Variants in LGALS8 observed in about 807,000 individuals in gnomAD.
LGALS8 encodes the protein galectin-8.
LGALS8 carries 30 observed loss-of-function variants against 35.9 expected under a neutral mutation model. The ratio of observed to expected loss-of-function variants is 0.83; its 90% CI spans 0.62 to 1.13. The LOEUF is 1.13. Ranked by LOEUF, LGALS8 falls within the 50% of genes most tolerant of loss-of-function variation. The pLI is 0.00. For missense variants in LGALS8, 366 were observed against 388.7 expected (o/e 0.94, Z 0.49); for synonymous variants, 138 against 136.1 (o/e 1.01, Z -0.10).
chr1:236,538,105 G>GA (rs1491391815), intron 3 of LGALS8, among the ~76,000 whole-genome samples: 1 of 69,716 alleles, frequency 1.4e-5, no homozygotes, highest in Non-Finnish European at 3.6e-5. Context: ...AAAAGAAAAA[G>GA]AAAAAGAATT....
chr1:236,539,175 A>G (rs11807205), intron 4 of LGALS8, 86 bp downstream of exon 4: 698,398 of 1,103,450 alleles, frequency 0.63, 225,660 homozygotes, highest in Non-Finnish European at 0.68. Flanking sequence ...GCCCAGCCTT[A>G]TATTTCCTAC....
In LGALS8 at chr1:236,540,544, T is replaced by G; in HGVS notation, c.346-20T>G. 1 of 1,526,236 alleles carries G rather than the reference T, an allele frequency of 6.6e-7. No individual in the cohort carries two copies. The highest frequency in any genetic ancestry group is 8.8e-7 in the Non-Finnish European group (1 of 1,135,348). 94.5% of individuals were successfully genotyped at this position (1,526,236 alleles called of 1,614,324 possible). ...TTTTTTTTGGTGGCGGGGGGGGCTC[T>G]GTCTTCTGTATCTCTCTAGGTGGCT... On this transcript the variant is annotated intron_variant, in intron 4 of 9. Coordinates refer to ENST00000366584, the MANE Select transcript of LGALS8 (RefSeq NM_201544.4).
chr1:236,546,264 C>CT (rs1352030374), intron 9 of LGALS8, among the ~76,000 whole-genome samples: 5 of 152,172 alleles, frequency 3.3e-5, no homozygotes, highest in African/African-American at 1.2e-4. Context: ...GAACAATCGT[C>CT]TTTTCCATTT....
At chr1:236,533,824 C>T (rs1661289849) in intron 2 of LGALS8, among the ~76,000 whole-genome samples, 1 of 152,064 alleles carries the variant, frequency 6.6e-6, no homozygotes, top group Non-Finnish European at 1.5e-5. Flanking sequence ...TAGGACGGTT[C>T]CCATGAAGAG....
At chr1:236,522,837 G>C (rs1478583418), upstream of LGALS8, among the ~76,000 whole-genome samples, 1 of 152,130 alleles carries the variant, frequency 6.6e-6, no homozygotes, top group Admixed American at 6.5e-5. Flanking sequence ...TTGGAAAATG[G>C]GTAAGGAGGA....
At chr1:236,547,874 T>G (rs74579125) in intron 9 of LGALS8, 138 bp from the exon 10 acceptor site, 1 of 714,650 alleles carries the variant, frequency 1.4e-6, no homozygotes, top group Non-Finnish European at 2.4e-6. Flanking sequence ...GTCTTGGAAG[T>G]CAGAAGGAAG....
At chr1:236,544,132 T>C (rs1662209756) in intron 8 of LGALS8, among the ~76,000 whole-genome samples, 1 of 151,990 alleles carries the variant, frequency 6.6e-6, no homozygotes, top group Non-Finnish European at 1.5e-5. Context: ...TTTGTATTTT[T>C]AGTAGAGACA....
rs1660650444 is a variant in LGALS8 at position 236,524,000 on chromosome 1, G to A, written c.-165G>A. On this transcript the variant is annotated 5_prime_UTR_variant, in exon 1 of 10. Transcript: ENST00000366584. ...CACGGACGCCAGAGCCGGGAACCCT[G>A]ACGGCACTTAGCTGCTGACAAACAA... 2.5e-6 allele frequency: 1 copy of A among 402,958 alleles called. No homozygotes were observed. Among genetic ancestry groups the A allele is most frequent in the Non-Finnish European group, 5.0e-6 (1 of 198,990 alleles). The allele number at this position is 402,958 out of a possible 1,614,324, so 25.0% of individuals were successfully genotyped here.
chr1:236,530,392 T>C (rs557803370), intron 2 of LGALS8, among the ~76,000 whole-genome samples: 2 of 152,370 alleles, frequency 1.3e-5, no homozygotes, highest in African/African-American at 4.8e-5. Flanking sequence ...CCTTCCTGAC[T>C]GAGAGTGGAT....
upstream of LGALS8, among the ~76,000 whole-genome samples, chr1:236,520,716 TC>T (rs1308552113): frequency 6.6e-6 from 1 of 152,206 alleles, no homozygotes; most frequent in Non-Finnish European, 1.5e-5. Flanking sequence ...ATTGGCGTTG[TC>T]TTATCTCCCC....
At chr1:236,539,124 T>C in intron 4 of LGALS8, 35 bp downstream of exon 4, 1 of 1,554,792 alleles carries the variant, frequency 6.4e-7, no homozygotes, top group Non-Finnish European at 8.9e-7. Context: ...GAGTCCTCAT[T>C]AGTGAGCAGG....
chr1:236,525,335 G>A (rs907383255), intron 1 of LGALS8: 7 of 151,996 alleles, frequency 4.6e-5, no homozygotes. Flanking sequence ...TTATGGAAAT[G>A]AAAATCTAAA....
intron 2 of LGALS8, among the ~76,000 whole-genome samples, chr1:236,530,313 GTCTT>G (rs1558156978): frequency 6.6e-6 from 1 of 152,186 alleles, no homozygotes; most frequent in African/African-American, 2.4e-5. Context: ...ACACAGTCAA[GTCTT>G]TCTTTTGTAA....
Position 236,537,602 on chromosome 1 carries a change from A to G in LGALS8, c.134+17A>G, listed in dbSNP as rs1240804798. 1 of 1,532,392 alleles carries G rather than the reference A, an allele frequency of 6.5e-7. No homozygotes were observed. 94.9% of individuals were successfully genotyped at this position (1,532,392 alleles called of 1,614,324 possible). A position where few individuals can be genotyped will look rare whatever the true frequency, so the allele number is the denominator to read the frequency against. On this transcript the variant is annotated intron_variant, in intron 3 of 9. Coordinates refer to ENST00000366584, the MANE Select transcript of LGALS8 (RefSeq NM_201544.4). ...CGCAGACAGGTAAAATCACTGTGCT[A>G]AAGGAAGGAGCATGAATAGGCTGTC...
intron 2 of LGALS8, among the ~76,000 whole-genome samples, chr1:236,528,581 T>G (rs529583173): frequency 8.0e-6 from 1 of 125,472 alleles, no homozygotes; most frequent in Non-Finnish European, 1.6e-5. Flanking sequence ...AGACAGAGGC[T>G]CGCTCTGTCA....
chr1:236,535,098 ATTGTT>A (rs1468197529), intron 2 of LGALS8, among the ~76,000 whole-genome samples: 3 of 148,722 alleles, frequency 2.0e-5, no homozygotes, highest in African/African-American at 7.4e-5. Flanking sequence ...ATGGGAATAG[ATTGTT>A]TTGTCTCAAA....
In LGALS8 at chr1:236,550,784, A is replaced by C; in HGVS notation, c.*2623A>C. 2 of 722,652 alleles carry C rather than the reference A, an allele frequency of 2.8e-6. No homozygotes were observed. The highest frequency in any genetic ancestry group is 5.1e-4 in the Middle Eastern group (2 of 3,954). 44.8% of individuals were successfully genotyped at this position (722,652 alleles called of 1,614,324 possible). A position where few individuals can be genotyped will look rare whatever the true frequency, so the allele number is the denominator to read the frequency against. On this transcript the variant is annotated 3_prime_UTR_variant, in exon 10 of 10. Transcript: ENST00000366584. ...TGTAAAGAAGTGATAAAACATTTGT[A>C]AGTAATCCAAGTAGGTGTATTAAGG...
At chr1:236,532,188 C>T (rs1661187775) in intron 2 of LGALS8, among the ~76,000 whole-genome samples, 1 of 152,158 alleles carries the variant, frequency 6.6e-6, no homozygotes, top group East Asian at 1.9e-4. Context: ...TCCCCGTTAC[C>T]AGTTAGGTTG....
At chr1:236,528,982 G>A (rs1660989164) in intron 2 of LGALS8, among the ~76,000 whole-genome samples, 1 of 152,124 alleles carries the variant, frequency 6.6e-6, no homozygotes, top group South Asian at 2.1e-4. Context: ...ACTTAAAAAA[G>A]TCAGGCTCTA....
Sources: allele counts gnomAD v4.1 joint callset (sites outside exome capture counted in the v4.1 genomes callset), GRCh38; gene constraint gnomAD v4.1.1; transcripts MANE v1.5; gene names NCBI Gene and HGNC (gene_info 2026-07-23, HGNC 2026-07-21).